The following PKNOX2 variants were observed in gnomAD, a reference collection of about 807,000 sequenced individuals.
PKNOX2 encodes PBX/knotted 1 homeobox 2.
PKNOX2 carries 14 observed loss-of-function variants against 53.1 expected under a neutral mutation model. The ratio of observed to expected loss-of-function variants is 0.26; its 90% CI spans 0.17 to 0.41. The LOEUF (loss-of-function observed/expected upper bound fraction) is 0.41, where lower values mean the gene tolerates loss of function less well. PKNOX2 is among the 10% of genes least tolerant of loss of function. PKNOX2 has a pLI of 1.00. For synonymous variants in PKNOX2, 257 were observed against 242.8 expected (o/e 1.06, Z -0.54); for missense variants, 496 against 602.8 (o/e 0.82, Z 1.85).
Position 125,194,159 on chromosome 11 carries a change from G to C in PKNOX2, c.-201+29383G>C, listed in dbSNP as rs574505905. Among the ~76,000 whole-genome samples, 198 of 152,302 alleles carry C rather than the reference G, an allele frequency of 1.3e-3. 2 individuals are homozygous for C. The highest frequency in any genetic ancestry group is 4.7e-3 in the African/African-American group (195 of 41,558). Reference sequence around the variant, plus strand: ...CCCTGGTCTCTGCTGAGCCCTGTGTGGAGAGCGGTTGCGTAGCACAGGGCA... The same window carrying C: ...CCCTGGTCTCTGCTGAGCCCTGTGTCGAGAGCGGTTGCGTAGCACAGGGCA... On this transcript the variant is annotated intron_variant, in intron 1 of 12. Coordinates refer to ENST00000298282, the MANE Select transcript of PKNOX2 (RefSeq NM_001382323.2).
intron 4 of PKNOX2, among the ~76,000 whole-genome samples, chr11:125,364,775 G>T (rs931110955): frequency 1.3e-5 from 2 of 152,126 alleles, no homozygotes; most frequent in Non-Finnish European, 2.9e-5. Context: ...CGTCAAATTC[G>T]AGCCTCACAC....
At chr11:125,350,869 C>A (rs1212193350) in intron 3 of PKNOX2, among the ~76,000 whole-genome samples, 1 of 152,052 alleles carries the variant, frequency 6.6e-6, no homozygotes, top group Non-Finnish European at 1.5e-5. Context: ...TGGGAAACAG[C>A]GGGGCCAGGA....
chr11:125,393,537 C>T (rs1157028659), intron 6 of PKNOX2, among the ~76,000 whole-genome samples: 2 of 152,110 alleles, frequency 1.3e-5, no homozygotes, highest in African/African-American at 2.4e-5. Flanking sequence ...TCCAGGTCAC[C>T]GTGTGGGGTT....
chr11:125,211,389 TG>T, intron 1 of PKNOX2, among the ~76,000 whole-genome samples: 1 of 152,184 alleles, frequency 6.6e-6, no homozygotes, highest in Non-Finnish European at 1.5e-5. Flanking sequence ...GGCACTGTTC[TG>T]GGTGCTGAGA....
intron 5 of PKNOX2, among the ~76,000 whole-genome samples, chr11:125,382,422 G>C (rs369753544): frequency 6.6e-6 from 1 of 152,212 alleles, no homozygotes; most frequent in African/African-American, 2.4e-5. Context: ...GGGTTGCAGC[G>C]GGGGCCGCAC....
At chr11:125,308,020 C>T (rs1948573785) in intron 2 of PKNOX2, among the ~76,000 whole-genome samples, 1 of 152,196 alleles carries the variant, frequency 6.6e-6, no homozygotes, top group African/African-American at 2.4e-5. Flanking sequence ...GGAGGGAAAA[C>T]ATTTGAGACA....
chr11:125,359,678 T>C (rs1831625981), intron 4 of PKNOX2, among the ~76,000 whole-genome samples: 1 of 152,152 alleles, frequency 6.6e-6, no homozygotes, highest in South Asian at 2.1e-4. Flanking sequence ...ATCCCATACC[T>C]GGCTTGCCCC....
intron 2 of PKNOX2, chr11:125,258,893 T>C: frequency 2.6e-6 from 1 of 389,816 alleles, no homozygotes. Context: ...GAGGAGCTCC[T>C]GCTGCAGCCT....
chr11:125,326,357 G>A (rs926290602), intron 2 of PKNOX2, among the ~76,000 whole-genome samples: 5 of 152,208 alleles, frequency 3.3e-5, no homozygotes, highest in Non-Finnish European at 5.9e-5. Context: ...ACTCACACAG[G>A]GGGTGTGCTT....
At chr11:125,280,032 A>T (rs1317555222) in intron 2 of PKNOX2, among the ~76,000 whole-genome samples, 1 of 151,306 alleles carries the variant, frequency 6.6e-6, no homozygotes, top group Non-Finnish European at 1.5e-5. Context: ...GTTATGAAGA[A>T]ATAATATCCA....
At chr11:125,258,250 T>A (rs1014505625) in intron 2 of PKNOX2, among the ~76,000 whole-genome samples, 22 of 151,952 alleles carry the variant, frequency 1.4e-4, no homozygotes, top group African/African-American at 5.3e-4. Context: ...AAACCATAAC[T>A]TTTTCCCCCT....
At chr11:125,188,604 GCA>G (rs1956596450) in intron 1 of PKNOX2, among the ~76,000 whole-genome samples, 1 of 152,152 alleles carries the variant, frequency 6.6e-6, no homozygotes, top group Non-Finnish European at 1.5e-5. Context: ...CAAATTGTTT[GCA>G]GCTCAAGGAG....
chr11:125,206,355 G>A (rs1939107140), intron 1 of PKNOX2, among the ~76,000 whole-genome samples: 1 of 152,016 alleles, frequency 6.6e-6, no homozygotes. Flanking sequence ...GTAGAGGAGG[G>A]GGTGTTAGGT....
chr11:125,188,725 G>T (rs1384353395), intron 1 of PKNOX2, among the ~76,000 whole-genome samples: 2 of 152,138 alleles, frequency 1.3e-5, no homozygotes, highest in African/African-American at 4.8e-5. Context: ...GCAGCCACAG[G>T]TACTTGGATA....
intron 10 of PKNOX2, among the ~76,000 whole-genome samples, chr11:125,426,655 C>A (rs544329472): frequency 1.5e-4 from 22 of 149,838 alleles, no homozygotes; most frequent in African/African-American, 5.3e-4. Context: ...AAGTCTGCGT[C>A]TCCTTATTGT....
intron 1 of PKNOX2, among the ~76,000 whole-genome samples, chr11:125,226,057 G>A (rs1252598251): frequency 6.6e-6 from 1 of 152,192 alleles, no homozygotes; most frequent in African/African-American, 2.4e-5. Flanking sequence ...AATTTCTCTT[G>A]CTTCCTGTGA....
At chr11:125,237,332 G>A (rs117475167) in intron 2 of PKNOX2, among the ~76,000 whole-genome samples, 3,069 of 152,310 alleles carry the variant, frequency 0.02, 44 homozygotes, top group Middle Eastern at 0.058. Context: ...CTCAACTGGG[G>A]CAGTTGCAAA....
At chr11:125,401,566 A>ACGTCGGCC (rs1407698957) in intron 7 of PKNOX2, among the ~76,000 whole-genome samples, 68 of 152,190 alleles carry the variant, frequency 4.5e-4, no homozygotes, top group African/African-American at 1.5e-3. Context: ...GCCCACTTGC[A>ACGTCGGCC]CACTCACACG....
chr11:125,349,524 G>A (rs1171762024), intron 3 of PKNOX2, among the ~76,000 whole-genome samples: 1 of 152,182 alleles, frequency 6.6e-6, no homozygotes, highest in Non-Finnish European at 1.5e-5. Flanking sequence ...GAGGCCGACG[G>A]AACCGGCCTG....
Sources: allele counts gnomAD v4.1 joint callset (sites outside exome capture counted in the v4.1 genomes callset), GRCh38; gene constraint gnomAD v4.1.1; transcripts MANE v1.5; gene names NCBI Gene and HGNC (gene_info 2026-07-23, HGNC 2026-07-21).